The following IL1RL1 variants were observed in gnomAD, a reference collection of about 807,000 sequenced individuals.
The protein encoded by IL1RL1 is interleukin 1 receptor like 1, also known as interleukin-1 receptor-like 1.
Under a neutral mutation model 50.9 loss-of-function variants are expected in IL1RL1, and 32 were observed. The observed-to-expected ratio is 0.63, with a 90% CI of 0.47 to 0.84. The LOEUF (loss-of-function observed/expected upper bound fraction) is 0.84, where lower values mean the gene tolerates loss of function less well. Among genes scored for constraint, IL1RL1 ranks in the 40% least tolerant of loss-of-function variants. IL1RL1 has a pLI of 0.00. For synonymous variants in IL1RL1, 275 were observed against 236.0 expected (o/e 1.17, Z -1.51); for missense variants, 773 against 662.9 (o/e 1.17, Z -1.82).
At chr2:102,337,669 T>G (rs1028354504) in intron 1 of IL1RL1, among the ~76,000 whole-genome samples, 2 of 152,196 alleles carry the variant, frequency 1.3e-5, no homozygotes, top group African/African-American at 4.8e-5. Context: ...ACTCCTTAGT[T>G]GCTTTGTGAT....
intron 1 of IL1RL1, among the ~76,000 whole-genome samples, chr2:102,321,101 T>C (rs1047034530): frequency 1.3e-5 from 2 of 152,248 alleles, no homozygotes; most frequent in Non-Finnish European, 2.9e-5. Context: ...GGCTGGACTT[T>C]CATGCTGCCT....
At chr2:102,330,391 A>C (rs1677143344) in intron 1 of IL1RL1, among the ~76,000 whole-genome samples, 1 of 152,168 alleles carries the variant, frequency 6.6e-6, no homozygotes, top group African/African-American at 2.4e-5. Context: ...CCTAATCCTA[A>C]ATGACAAGTT....
chr2:102,335,850 G>A (rs1383265516), intron 1 of IL1RL1, among the ~76,000 whole-genome samples: 1 of 152,110 alleles, frequency 6.6e-6, no homozygotes, highest in Non-Finnish European at 1.5e-5. Flanking sequence ...AGACTCGCTG[G>A]CTCCTGGCTG....
intron 8 of IL1RL1, among the ~76,000 whole-genome samples, chr2:102,347,105 T>C (rs1677805981): frequency 6.6e-6 from 1 of 152,312 alleles, no homozygotes; most frequent in South Asian, 2.1e-4. Flanking sequence ...CTTAGGTGAC[T>C]CTTGCTTCTT....
rs1324617510 is a variant in IL1RL1 at position 102,343,025 on chromosome 2, C to G, written c.683-11C>G. Reference sequence around the variant, plus strand: ...TTAATTTTATTGGTGAATGTCCTTACTCCCCTCTAGGAAAAAACGCAAACC... The same window carrying G: ...TTAATTTTATTGGTGAATGTCCTTAGTCCCCTCTAGGAAAAAACGCAAACC... On this transcript the variant is annotated splice_polypyrimidine_tract_variant and intron_variant, in intron 6 of 10. Transcript: ENST00000233954. The G allele has an allele frequency of 1.2e-6, 2 of 1,612,326 alleles. No individual in the cohort carries two copies. Among genetic ancestry groups the G allele is most frequent in the African/African-American group, 2.7e-5 (2 of 74,854 alleles).
intron 1 of IL1RL1, among the ~76,000 whole-genome samples, chr2:102,333,508 G>A (rs1320076449): frequency 6.6e-6 from 1 of 152,214 alleles, no homozygotes; most frequent in East Asian, 1.9e-4. Flanking sequence ...CAAGGAGGCT[G>A]GAGGAGATCA....
Position 102,338,339 on chromosome 2 carries a change from T to A in IL1RL1, c.61+14T>A, listed in dbSNP as rs755799568. 6.9e-7 allele frequency: 1 copy of A among 1,443,096 alleles called. No homozygotes were observed. Among genetic ancestry groups the A allele is most frequent in the South Asian group, 1.3e-5 (1 of 77,818 alleles). The allele number at this position is 1,443,096 out of a possible 1,614,324, so 89.4% of individuals were successfully genotyped here. A position where few individuals can be genotyped will look rare whatever the true frequency, so the allele number is the denominator to read the frequency against. ...CAGCAAAGTTTAGTAAGTATTGCCT[T>A]CTAAGTATAATTTAAATTTTTATAA... On this transcript the variant is annotated intron_variant, in intron 2 of 10. Transcript: ENST00000233954.
intron 8 of IL1RL1, chr2:102,344,905 A>C: frequency 1.0e-6 from 1 of 973,338 alleles, no homozygotes; most frequent in Non-Finnish European, 1.2e-6. Flanking sequence ...CAGGATTTTA[A>C]TGATATCATT....
At chr2:102,345,365 A>G (rs1026170388) in intron 8 of IL1RL1, 42 of 985,332 alleles carry the variant, frequency 4.3e-5, no homozygotes, top group Admixed American at 6.1e-5. Context: ...TGTTTGCTAT[A>G]TGAAGCATTG....
intron 1 of IL1RL1, among the ~76,000 whole-genome samples, chr2:102,329,686 A>T (rs2104973449): frequency 6.6e-6 from 1 of 152,354 alleles, no homozygotes; most frequent in South Asian, 2.1e-4. Flanking sequence ...AAGGATATGA[A>T]CAGACACTTC....
intron 8 of IL1RL1, among the ~76,000 whole-genome samples, chr2:102,346,909 T>C (rs1003558149): frequency 2.0e-5 from 3 of 152,210 alleles, no homozygotes; most frequent in Non-Finnish European, 4.4e-5. Context: ...CAAATCTCAT[T>C]TGAGATTCTT....
At chr2:102,323,664 G>T (rs1020895881) in intron 1 of IL1RL1, among the ~76,000 whole-genome samples, 7 of 152,036 alleles carry the variant, frequency 4.6e-5, no homozygotes, top group African/African-American at 9.7e-5. Context: ...TCACCACCAA[G>T]GGAGGGGATT....
At chr2:102,323,650 G>A (rs1031689126) in intron 1 of IL1RL1, among the ~76,000 whole-genome samples, 42 of 151,992 alleles carry the variant, frequency 2.8e-4, no homozygotes, top group African/African-American at 9.7e-4. Flanking sequence ...AATAGAGTGA[G>A]AACTCACCAC....
intron 5 of IL1RL1, 72 bp from the exon 6 acceptor site, chr2:102,342,151 A>G (rs1677592076): frequency 9.2e-7 from 1 of 1,087,394 alleles, no homozygotes. Flanking sequence ...GAATAGAAAC[A>G]TGAAAATACA....
chr2:102,342,370 T>A, intron 6 of IL1RL1, 76 bp downstream of exon 6: 1 of 1,030,834 alleles, frequency 9.7e-7, no homozygotes, highest in Non-Finnish European at 1.5e-6. Flanking sequence ...TGAATTCCCT[T>A]AGCAGGGGTC....
chr2:102,326,213 A>G (rs1428367757), intron 1 of IL1RL1, among the ~76,000 whole-genome samples: 2 of 152,218 alleles, frequency 1.3e-5, no homozygotes, highest in African/African-American at 4.8e-5. Context: ...TTCTTAAAGA[A>G]AAGAATTTTC....
At chr2:102,343,215 G>A (rs1365717753) in intron 7 of IL1RL1, 38 bp downstream of exon 7, 1 of 1,613,842 alleles carries the variant, frequency 6.2e-7, no homozygotes, top group Non-Finnish European at 8.5e-7. Flanking sequence ...TCTTCCCCTT[G>A]CACATGGTTT....
In IL1RL1 at chr2:102,319,840, C is replaced by A. The variant is rs192220076; in HGVS notation, c.-150+8217C>A. ...AGAAGCTGGGACCATGGGCATGTGC[C>A]ATCATGGCAGACTAATTTTTAAATT... On this transcript the variant is annotated intron_variant, in intron 1 of 10. Transcript: ENST00000233954. Among the ~76,000 whole-genome samples, 4 of 152,224 alleles carry A rather than the reference C, an allele frequency of 2.6e-5. No homozygotes were observed. The East Asian group carries it at 5.8e-4, about 22-fold the overall frequency.
intron 1 of IL1RL1, among the ~76,000 whole-genome samples, chr2:102,321,358 C>T (rs1676833139): frequency 6.6e-6 from 1 of 152,176 alleles, no homozygotes; most frequent in Admixed American, 6.5e-5. Context: ...TCCCCAGCAT[C>T]TGAAACAGTG....
Sources: allele counts gnomAD v4.1 joint callset (sites outside exome capture counted in the v4.1 genomes callset), GRCh38; gene constraint gnomAD v4.1.1; transcripts MANE v1.5; gene names NCBI Gene and HGNC (gene_info 2026-07-23, HGNC 2026-07-21).